Variants in MPPED2 observed in about 807,000 individuals in gnomAD.
The protein encoded by MPPED2 is metallophosphoesterase MPPED2.
Under a neutral mutation model 33.0 loss-of-function variants are expected in MPPED2, and 5 were observed. That is an observed-to-expected ratio of 0.15 (90% CI 0.08 to 0.32). MPPED2 has a LOEUF of 0.32. MPPED2 is among the 10% of genes least tolerant of loss of function. The pLI is 1.00. For missense variants in MPPED2, 275 were observed against 372.1 expected, an observed-to-expected ratio of 0.74 and a Z score of 2.15; for synonymous variants, 136 against 141.9, an observed-to-expected ratio of 0.96 and a Z score of 0.29.
intron 4 of MPPED2, among the ~76,000 whole-genome samples, chr11:30,422,992 A>G (rs1303718430): frequency 6.6e-6 from 1 of 152,198 alleles, no homozygotes; most frequent in East Asian, 1.9e-4. Context: ...GCAGGGGCTA[A>G]GGGAGTTAAC....
intron 5 of MPPED2, among the ~76,000 whole-genome samples, chr11:30,414,822 T>C (rs1948270591): frequency 6.6e-6 from 1 of 152,186 alleles, no homozygotes; most frequent in Non-Finnish European, 1.5e-5. Flanking sequence ...GTCTTACCCC[T>C]TGTGGTTCCG....
At chr11:30,397,356 C>G (rs481770) in intron 6 of MPPED2, among the ~76,000 whole-genome samples, 39,798 of 151,962 alleles carry the variant, frequency 0.26, 6,618 homozygotes, top group Non-Finnish European at 0.37. Context: ...ATGGAGTACA[C>G]AGGTGGTAAG....
At chr11:30,543,639 A>G (rs568801267) in intron 2 of MPPED2, among the ~76,000 whole-genome samples, 1 of 152,324 alleles carries the variant, frequency 6.6e-6, no homozygotes, top group Admixed American at 6.5e-5. Flanking sequence ...CTTTAAATAA[A>G]GAGAAGTGAA....
chr11:30,583,687 A>G (rs1260834135), intron 1 of MPPED2, among the ~76,000 whole-genome samples: 1 of 152,182 alleles, frequency 6.6e-6, no homozygotes, highest in Non-Finnish European at 1.5e-5. Flanking sequence ...CTGAGGAATT[A>G]AATAACTGTC....
chr11:30,391,759 A>G (rs1947779487), intron 6 of MPPED2, among the ~76,000 whole-genome samples: 1 of 152,212 alleles, frequency 6.6e-6, no homozygotes, highest in South Asian at 2.1e-4. Context: ...CATAATATAT[A>G]TTTATAGAAT....
At chr11:30,398,346 C>T (rs184685759) in intron 6 of MPPED2, among the ~76,000 whole-genome samples, 32 of 152,278 alleles carry the variant, frequency 2.1e-4, no homozygotes, top group African/African-American at 6.7e-4. Flanking sequence ...ACTCTACCTA[C>T]CCCACTCATT....
intron 4 of MPPED2, among the ~76,000 whole-genome samples, chr11:30,445,542 A>C (rs1314353433): frequency 6.6e-6 from 1 of 152,216 alleles, no homozygotes; most frequent in Non-Finnish European, 1.5e-5. Flanking sequence ...TTATTGTGCA[A>C]CTATCACTAC....
chr11:30,385,053 A>T (rs1947688114), exon 7 of MPPED2: 1 of 152,184 alleles, frequency 6.6e-6, no homozygotes, highest in Non-Finnish European at 1.5e-5. Flanking sequence ...TTTCCTACTA[A>T]GCAAGTACCC....
chr11:30,481,032 G>C (rs1160646824), intron 4 of MPPED2, among the ~76,000 whole-genome samples: 3 of 152,020 alleles, frequency 2.0e-5, no homozygotes, highest in African/African-American at 7.2e-5. Flanking sequence ...GGGTGGAAAG[G>C]AAAAAGTGAG....
At chr11:30,504,349 GCTAGGAGCATGGAAGAA>G (rs1952715970) in intron 3 of MPPED2, among the ~76,000 whole-genome samples, 1 of 152,170 alleles carries the variant, frequency 6.6e-6, no homozygotes. Flanking sequence ...AATACCAACT[GCTAGGAGCATGGAAGAA>G]CTATGAGGCT....
In MPPED2 at chr11:30,394,183, A is replaced by G. The variant is rs1005718411; in HGVS notation, c.767-5227T>C. 1.1e-4 allele frequency among the ~76,000 whole-genome samples: 16 copies of G among 152,252 alleles called. 1 individual carries two copies. In the Middle Eastern group the frequency reaches 0.01, roughly 97 times the overall value. ...TTTATCCCTTTACCTGCTGAAGGATATTTGGATTGTTTCAGTTTTTGGTGA... is the reference window on the plus strand; with the variant it reads ...TTTATCCCTTTACCTGCTGAAGGATGTTTGGATTGTTTCAGTTTTTGGTGA... On this transcript the variant is annotated intron_variant, in intron 6 of 6. Transcript: ENST00000448418.
intron 4 of MPPED2, among the ~76,000 whole-genome samples, chr11:30,434,875 C>T (rs1468817873): frequency 6.6e-6 from 1 of 151,744 alleles, no homozygotes; most frequent in Non-Finnish European, 1.5e-5. Context: ...GTTTTACAGA[C>T]GATCGAATGA....
At chr11:30,519,422 A>G (rs1953726448) in intron 3 of MPPED2, among the ~76,000 whole-genome samples, 2 of 152,030 alleles carry the variant, frequency 1.3e-5, no homozygotes, top group Admixed American at 1.3e-4. Context: ...CATTTGTAAT[A>G]GCCTATAAAA....
At chr11:30,564,999 A>G (rs1303449489) in intron 2 of MPPED2, among the ~76,000 whole-genome samples, 1 of 152,180 alleles carries the variant, frequency 6.6e-6, no homozygotes, top group Admixed American at 6.5e-5. Context: ...TATATATGAC[A>G]TCCTCCATTA....
Position 30,417,718 on chromosome 11 carries a change from C to A in MPPED2, c.537-85G>T, listed in dbSNP as rs568674908. 4.6e-5 allele frequency: 35 copies of A among 767,996 alleles called. No homozygotes were observed. In the East Asian group the frequency reaches 9.3e-4, roughly 20 times the overall value. The allele number at this position is 767,996 out of a possible 1,614,324, so 47.6% of individuals were successfully genotyped here. A position where few individuals can be genotyped will look rare whatever the true frequency, so the allele number is the denominator to read the frequency against. ...TATTTCTCTCTCGCACATTCCCCCACGGTTTGCATTGCTCTCTTTTCTCTT... is the reference window on the plus strand; with the variant it reads ...TATTTCTCTCTCGCACATTCCCCCAAGGTTTGCATTGCTCTCTTTTCTCTT... On this transcript the variant is annotated intron_variant, in intron 4 of 6. Transcript: ENST00000358117.
chr11:30,499,678 C>T (rs778338919), intron 3 of MPPED2, among the ~76,000 whole-genome samples: 6 of 152,132 alleles, frequency 3.9e-5, no homozygotes, highest in Non-Finnish European at 7.3e-5. Flanking sequence ...CACACACATA[C>T]GTGCCTCAAA....
At chr11:30,460,530 G>T (rs1590364248) in intron 4 of MPPED2, among the ~76,000 whole-genome samples, 1 of 152,156 alleles carries the variant, frequency 6.6e-6, no homozygotes, top group Non-Finnish European at 1.5e-5. Flanking sequence ...GGCTGAGGAG[G>T]GAGGACTGCT....
chr11:30,387,927 A>C (rs1285593706), exon 7 of MPPED2: 2 of 152,198 alleles, frequency 1.3e-5, no homozygotes, highest in Admixed American at 1.3e-4. Context: ...ATGCCTGACG[A>C]TGATGCTGGC....
At chr11:30,469,179 A>C (rs747673021) in intron 4 of MPPED2, among the ~76,000 whole-genome samples, 2 of 152,214 alleles carry the variant, frequency 1.3e-5, no homozygotes, top group Non-Finnish European at 2.9e-5. Flanking sequence ...TACATTTAAT[A>C]GTCTTTGATG....
Sources: gnomAD v4.1 joint callset for allele counts (sites outside exome capture counted in the v4.1 genomes callset) on GRCh38, gnomAD v4.1.1 for gene constraint, MANE v1.5 for transcripts, NCBI Gene and HGNC (gene_info 2026-07-23, HGNC 2026-07-21) for gene names.